EMC10: variants seen among roughly 807,000 people sequenced by gnomAD.
EMC10 encodes ER membrane protein complex subunit 10, also known as UPF0510 protein INM02.
In EMC10, 40 loss-of-function variants were observed where a neutral mutation model predicts 32.2. The observed-to-expected ratio is 1.24, with a 90% CI of 0.96 to 1.61. The LOEUF is 1.61. Among genes scored for constraint, EMC10 ranks in the 40% most tolerant of loss-of-function variants. The pLI is 0.00. For missense variants in EMC10, 402 were observed against 357.7 expected, an observed-to-expected ratio of 1.12 and a Z score of -1.00; for synonymous variants, 178 against 158.4, an observed-to-expected ratio of 1.12 and a Z score of -0.93.
chr19:50,477,919 T>A lies in EMC10; in HGVS notation c.115-10T>A. 1.3e-6 allele frequency: 2 copies of A among 1,595,854 alleles called. No individual in the cohort carries two copies. Among genetic ancestry groups the A allele is most frequent in the Non-Finnish European group, 1.7e-6 (2 of 1,174,224 alleles). On this transcript the variant is annotated splice_polypyrimidine_tract_variant and intron_variant, in intron 1 of 6. Coordinates refer to ENST00000334976, the MANE Select transcript of EMC10 (RefSeq NM_206538.4). ...TGGTCCTCACCTGGGGCCTTCTGTG[T>A]CCTCTGCAGGCTGGGGCGGAAGGTC...
rs976032283 is a variant in EMC10 at position 50,484,585 on chromosome 19, T to C, written c.*2326T>C. Reference sequence around the variant, plus strand: ...GCGTTCTGTTCTTATTAAACTTTTCTTCCCCGTCTGGCCGGTCCTTGGGGA... The same window carrying C: ...GCGTTCTGTTCTTATTAAACTTTTCCTCCCCGTCTGGCCGGTCCTTGGGGA... On this transcript the variant is annotated 3_prime_UTR_variant, in exon 7 of 7. Transcript: ENST00000334976. 1 of 152,196 alleles carries C rather than the reference T, an allele frequency of 6.6e-6. No homozygotes were observed. Among genetic ancestry groups the C allele is most frequent in the Non-Finnish European group, 1.5e-5 (1 of 68,040 alleles). The allele number at this position is 152,196 out of a possible 1,614,324, so 9.4% of individuals were successfully genotyped here.
chr19:50,485,812 A>G lies in EMC10; in HGVS notation c.*3553A>G, dbSNP rs1409630147. 2.0e-5 allele frequency: 3 copies of G among 149,600 alleles called. No individual in the cohort carries two copies. The highest frequency in any genetic ancestry group is 7.6e-5 in the African/African-American group (3 of 39,458). The allele number at this position is 149,600 out of a possible 1,614,324, so 9.3% of individuals were successfully genotyped here. ...TCACCTCCCCCAGGATAGAGTCCCA[A>G]CCCATCCTTCTGTGTCTCCTCCTCT... On this transcript the variant is annotated 3_prime_UTR_variant, in exon 7 of 7. Transcript: ENST00000334976.
chr19:50,482,970 C>T lies in EMC10; in HGVS notation c.*711C>T, dbSNP rs2040346953. 1.7e-6 allele frequency: 1 copy of T among 578,878 alleles called. No individual in the cohort carries two copies. Among genetic ancestry groups the T allele is most frequent in the Non-Finnish European group, 3.1e-6 (1 of 320,636 alleles). The allele number at this position is 578,878 out of a possible 1,614,324, so 35.9% of individuals were successfully genotyped here. ...AAAGGTTTAAGAAAGAAAACAAAAC[C>T]AACAGTTAGTGGAGTCAAAGCCCAG... On this transcript the variant is annotated 3_prime_UTR_variant, in exon 7 of 7. Transcript: ENST00000334976.
At chr19:50,481,238 C>T (rs1465189487) in intron 6 of EMC10, 5 of 446,314 alleles carry the variant, frequency 1.1e-5, no homozygotes, top group Non-Finnish European at 2.0e-5. Context: ...AGCCATGAGG[C>T]TGGAGAGGAA....
In EMC10 at chr19:50,482,373, C is replaced by A; in HGVS notation, c.*114C>A. The A allele has an allele frequency of 1.6e-6, 1 of 618,200 alleles. No individual in the cohort carries two copies. Among genetic ancestry groups the A allele is most frequent in the Non-Finnish European group, 2.9e-6 (1 of 347,462 alleles). The allele number at this position is 618,200 out of a possible 1,614,324, so 38.3% of individuals were successfully genotyped here. ...GGTTTGCTGGTCCCTCCTTTCCCCC[C>A]GTCCCACGAGGCCACCTGGGCCAGC... On this transcript the variant is annotated 3_prime_UTR_variant, in exon 7 of 7. Coordinates refer to ENST00000334976, the MANE Select transcript of EMC10 (RefSeq NM_206538.4).
At chr19:50,476,776 G>A (rs892661388) in intron 1 of EMC10, 118 bp downstream of exon 1, 1 of 671,694 alleles carries the variant, frequency 1.5e-6, no homozygotes, top group Non-Finnish European at 2.4e-6. Context: ...AGAGGTGGGA[G>A]ATCCCTGGAA....
Position 50,485,526 on chromosome 19 carries a change from C to G in EMC10, c.*3267C>G, listed in dbSNP as rs1411426296. 1 of 152,350 alleles carries G rather than the reference C, an allele frequency of 6.6e-6. No homozygotes were observed. Among genetic ancestry groups the G allele is most frequent in the African/African-American group, 2.4e-5 (1 of 41,428 alleles). 9.4% of individuals were successfully genotyped at this position (152,350 alleles called of 1,614,324 possible). A position where few individuals can be genotyped will look rare whatever the true frequency, so the allele number is the denominator to read the frequency against. The stretch of plus-strand genomic sequence containing the variant: ...CTGCCCAACCTCATGGACCAGAGCA[C>G]TGCCCTGTCCCAATCACGTTCTCCT... On this transcript the variant is annotated 3_prime_UTR_variant, in exon 7 of 7. Transcript: ENST00000334976.
intron 3 of EMC10, among the ~76,000 whole-genome samples, 183 bp from the exon 4 acceptor site, chr19:50,479,928 C>A (rs1337364679): frequency 1.3e-5 from 2 of 152,210 alleles, no homozygotes; most frequent in Non-Finnish European, 2.9e-5. Flanking sequence ...CCTGGCCTCA[C>A]CCACCAGCCG....
chr19:50,488,063 C>G lies in EMC10; in HGVS notation c.*5804C>G, dbSNP rs1350472181. 6.6e-6 allele frequency: 1 copy of G among 152,118 alleles called. No homozygotes were observed. The highest frequency in any genetic ancestry group is 1.5e-5 in the Non-Finnish European group (1 of 68,242). The allele number at this position is 152,118 out of a possible 1,614,324, so 9.4% of individuals were successfully genotyped here. ...ATCCCAGCACTTTGGGAGGCCAAGG[C>G]AGGCAGATCACGAGGTGAGGAGATC... On this transcript the variant is annotated 3_prime_UTR_variant, in exon 7 of 7. Transcript: ENST00000334976.
intron 6 of EMC10, chr19:50,481,312 AG>A: frequency 7.0e-6 from 2 of 286,306 alleles, no homozygotes; most frequent in African/African-American, 2.2e-5. Flanking sequence ...CAGGTTCTTC[AG>A]GGGGTTGTAC....
Position 50,489,086 on chromosome 19 carries a change from A to G in EMC10, c.*6827A>G, listed in dbSNP as rs529269356. The G allele has an allele frequency of 6.6e-6, 1 of 151,610 alleles. No individual in the cohort carries two copies. Among genetic ancestry groups the G allele is most frequent in the African/African-American group, 2.4e-5 (1 of 41,146 alleles). 9.4% of individuals were successfully genotyped at this position (151,610 alleles called of 1,614,324 possible). On this transcript the variant is annotated 3_prime_UTR_variant, in exon 7 of 7. Transcript: ENST00000334976. ...GGGGAAAAGAGAAAAGGAGGGTAGG[A>G]GAGGGCTGGAGAGAGAAGGGAAGTT... is the stretch of plus-strand genomic sequence containing the variant.
At chr19:50,478,828 C>G in intron 2 of EMC10, 129 bp from the exon 3 acceptor site, 1 of 664,994 alleles carries the variant, frequency 1.5e-6, no homozygotes, top group Non-Finnish European at 2.7e-6. Context: ...AAATGGGGGC[C>G]CAGATGGGGA....
Position 50,482,212 on chromosome 19 carries a change from CAGGGTG to C in EMC10, c.743_748del (p.Gln248_Gly250delinsArg), listed in dbSNP as rs770450377. The C allele has an allele frequency of 3.8e-5, 14 of 369,304 alleles. No individual in the cohort carries two copies. Among genetic ancestry groups the C allele is most frequent in the African/African-American group, 3.0e-4 (5 of 16,506 alleles). The allele number at this position is 369,304 out of a possible 1,614,324, so 22.9% of individuals were successfully genotyped here. On this transcript the variant is annotated inframe_deletion, in exon 7 of 7. Transcript: ENST00000334976. ...GTCAGGAGCGCCAGACACCGGGGGC[CAGGGTG>C]GGGGTGGGGGTGGGGGTGGTGGTGG... is the stretch of plus-strand genomic sequence containing the variant.
In EMC10 at chr19:50,480,170, G is replaced by A; in HGVS notation, c.357G>A (p.Leu119=). 1.2e-6 allele frequency: 2 copies of A among 1,613,850 alleles called. No homozygotes were observed. The highest frequency in any genetic ancestry group is 1.7e-6 in the Non-Finnish European group (2 of 1,179,938). ...GGATCCCAAGGCGACCCGGGGCCCTGGATGGCCTGGAAGCTGGTGGCTATG... is the reference window on the plus strand; with the variant it reads ...GGATCCCAAGGCGACCCGGGGCCCTAGATGGCCTGGAAGCTGGTGGCTATG... The part of the protein sequence containing the change: ...RVRIPRRPGA[L]DGLEAGGYVS... Residue 119 remains leucine, a synonymous_variant, in exon 4 of 7, where the codon CTG becomes CTA. Coordinates refer to ENST00000334976, the MANE Select transcript of EMC10 (RefSeq NM_206538.4). This position sits in a 1 kb window ranked among gnomAD's most constrained non-coding sequence, Gnocchi z 4.4.
Position 50,481,902 on chromosome 19 carries a change from G to T in EMC10, c.679-247G>T, listed in dbSNP as rs910630135. On this transcript the variant is annotated intron_variant, in intron 6 of 6. Transcript: ENST00000334976. ...GGGGGGCCGTGTTGCTCACAGCCCT[G>T]CGTCCTGCTGCGCCAGGGCCCGCGC... is the stretch of plus-strand genomic sequence containing the variant. 2.5e-6 allele frequency: 4 copies of T among 1,601,748 alleles called. No individual in the cohort carries two copies. The African/African-American group carries it at 4.0e-5, about 16-fold the overall frequency.
chr19:50,480,079 T>C lies in EMC10; in HGVS notation c.298-32T>C. The C allele has an allele frequency of 6.4e-7, 1 of 1,559,274 alleles. No individual in the cohort carries two copies. Among genetic ancestry groups the C allele is most frequent in the Non-Finnish European group, 8.7e-7 (1 of 1,145,464 alleles). ...AGCCTGTCCAGGGCTGACACCATCC[T>C]TCTGACCAGCACCCTCTTCTCCCAT... On this transcript the variant is annotated intron_variant, in intron 3 of 6. Coordinates refer to ENST00000334976, the MANE Select transcript of EMC10 (RefSeq NM_206538.4). This position sits in a 1 kb window ranked among gnomAD's most constrained non-coding sequence, Gnocchi z 4.4.
chr19:50,480,817 C>A lies in EMC10; in HGVS notation c.584+55C>A. 6.4e-7 allele frequency: 1 copy of A among 1,564,938 alleles called. No individual in the cohort carries two copies. The highest frequency in any genetic ancestry group is 1.4e-5 in the African/African-American group (1 of 73,786). On this transcript the variant is annotated intron_variant, in intron 5 of 6. Transcript: ENST00000334976. The surrounding 1 kb of genome is among the most constrained non-coding windows in gnomAD (Gnocchi z 4.4). ...TGCCACCTGCCCCGGCCCTTCCTGG[C>A]GGCCTCAGGGTCTCCAGGTCCCTGG...
chr19:50,478,178 C>T (rs1297290460), intron 2 of EMC10, among the ~76,000 whole-genome samples, 177 bp downstream of exon 2: 1 of 152,198 alleles, frequency 6.6e-6, no homozygotes, highest in Non-Finnish European at 1.5e-5. Context: ...TAAATGCCCC[C>T]TTGCCTGTGA....
intron 6 of EMC10, 47 bp from the exon 7 acceptor site, chr19:50,482,098 CCTCT>C (rs749601368): frequency 7.3e-6 from 10 of 1,374,244 alleles, no homozygotes; most frequent in Admixed American, 1.7e-5. Context: ...ACCTCCTTCC[CCTCT>C]CTCTCTCTTT....
Sources: allele counts gnomAD v4.1 joint callset (sites outside exome capture counted in the v4.1 genomes callset), GRCh38; gene constraint gnomAD v4.1.1; non-coding constraint Gnocchi (gnomAD v3.1); transcripts MANE v1.5; gene names NCBI Gene and HGNC (gene_info 2026-07-23, HGNC 2026-07-21).